Variants in AFG2A observed in about 807,000 individuals in gnomAD.
The protein encoded by AFG2A is ATPase family gene 2 protein homolog A.
the AFG2A span, among the ~76,000 whole-genome samples, chr4:122,948,252 T>C: frequency 6.6e-6 from 1 of 152,028 alleles, no homozygotes; most frequent in Non-Finnish European, 1.5e-5. Context: ...CGGGAGGATG[T>C]GTGTAGTCTA....
chr4:123,018,211 C>CAGCT, the AFG2A span, among the ~76,000 whole-genome samples: 2 of 152,156 alleles, frequency 1.3e-5, no homozygotes, highest in African/African-American at 4.8e-5. Context: ...GCTTGTTTGA[C>CAGCT]AGCTGTTCTT....
chr4:123,157,284 G>A, the AFG2A span, among the ~76,000 whole-genome samples: 16 of 151,766 alleles, frequency 1.1e-4, no homozygotes, highest in African/African-American at 3.1e-4. Flanking sequence ...TTGGCCTCCC[G>A]AAGTGCTGGG....
the AFG2A span, among the ~76,000 whole-genome samples, chr4:123,134,853 C>A: frequency 6.6e-6 from 1 of 152,168 alleles, no homozygotes; most frequent in East Asian, 1.9e-4. Context: ...TAATACTAAT[C>A]CTCCTCAAAC....
chr4:123,231,611 A>C, the AFG2A span, among the ~76,000 whole-genome samples: 1 of 151,964 alleles, frequency 6.6e-6, no homozygotes, highest in Non-Finnish European at 1.5e-5. Context: ...TTTCCTTAGC[A>C]TTCACAATTT....
the AFG2A span, among the ~76,000 whole-genome samples, chr4:123,087,456 T>TA: frequency 6.6e-6 from 1 of 152,108 alleles, no homozygotes; most frequent in Admixed American, 6.5e-5. Context: ...TGGGAAAAAA[T>TA]ATTTTCTCTT....
chr4:123,044,659 A>G, the AFG2A span, among the ~76,000 whole-genome samples: 1 of 152,150 alleles, frequency 6.6e-6, no homozygotes, highest in Non-Finnish European at 1.5e-5. Context: ...ACTGAAATCC[A>G]TGCATAATTT....
chr4:123,032,674 A>C, the AFG2A span, among the ~76,000 whole-genome samples: 1 of 152,214 alleles, frequency 6.6e-6, no homozygotes, highest in East Asian at 1.9e-4. Flanking sequence ...TTGGCCTCCC[A>C]AAGTGCTGGG....
At chr4:123,270,506 C>G in the AFG2A span, among the ~76,000 whole-genome samples, 1 of 152,126 alleles carries the variant, frequency 6.6e-6, no homozygotes, top group African/African-American at 2.4e-5. Context: ...TAGCTATAAA[C>G]CTTGTGTGCT....
At chr4:123,239,822 C>T in the AFG2A span, among the ~76,000 whole-genome samples, 1 of 152,172 alleles carries the variant, frequency 6.6e-6, no homozygotes, top group Non-Finnish European at 1.5e-5. Context: ...TAAATTCACA[C>T]ATAACAATAC....
At chr4:123,290,696 T>C in the AFG2A span, among the ~76,000 whole-genome samples, 1,073 of 152,242 alleles carry the variant, frequency 7.0e-3, 5 homozygotes, top group Middle Eastern at 0.048. Flanking sequence ...GCAGGGAAAC[T>C]CCTGTTTTTA....
chr4:123,220,079 C>T, the AFG2A span, among the ~76,000 whole-genome samples: 3 of 151,902 alleles, frequency 2.0e-5, no homozygotes, highest in Admixed American at 6.6e-5. Flanking sequence ...CCATGTTGGC[C>T]GGGATGGTCT....
At chr4:123,184,367 A>G in the AFG2A span, among the ~76,000 whole-genome samples, 1 of 152,136 alleles carries the variant, frequency 6.6e-6, no homozygotes, top group Non-Finnish European at 1.5e-5. Flanking sequence ...TTTTGAGAAA[A>G]TAAGTCTGAT....
chr4:123,311,503 C>T, the AFG2A span, among the ~76,000 whole-genome samples: 7 of 151,626 alleles, frequency 4.6e-5, no homozygotes, highest in African/African-American at 9.7e-5. Context: ...GGCACGCGCC[C>T]GTAGTCCCAG....
the AFG2A span, among the ~76,000 whole-genome samples, chr4:123,299,117 A>ATGTGTGTGTGTGTGTGTG: frequency 9.0e-3 from 1,327 of 147,176 alleles, 13 homozygotes; most frequent in African/African-American, 0.023. Flanking sequence ...GCATCTGCCA[A>ATGTGTGTGTGTGTGTGTG]TGTGTGTGTG....
At chr4:123,166,376 T>C in the AFG2A span, among the ~76,000 whole-genome samples, 1 of 152,196 alleles carries the variant, frequency 6.6e-6, no homozygotes, top group Non-Finnish European at 1.5e-5. Flanking sequence ...TCCAAGTTCT[T>C]CAGCTTTGGA....
chr4:123,147,483 A>G, the AFG2A span, among the ~76,000 whole-genome samples: 1 of 152,004 alleles, frequency 6.6e-6, no homozygotes, highest in South Asian at 2.1e-4. Flanking sequence ...TTTCATTCTT[A>G]TTTTCTCAGT....
the AFG2A span, among the ~76,000 whole-genome samples, chr4:123,296,873 G>C: frequency 6.6e-6 from 1 of 152,292 alleles, no homozygotes; most frequent in African/African-American, 2.4e-5. Flanking sequence ...TTACAAAGTG[G>C]GGTGGAGCTG....
At chr4:122,994,271 A>G in the AFG2A span, among the ~76,000 whole-genome samples, 45 of 152,278 alleles carry the variant, frequency 3.0e-4, no homozygotes, top group South Asian at 8.3e-3. Context: ...CTCTGGAAAG[A>G]TATAAAGAAG....
the AFG2A span, among the ~76,000 whole-genome samples, chr4:123,031,310 C>G: frequency 6.6e-6 from 1 of 152,188 alleles, no homozygotes; most frequent in South Asian, 2.1e-4. Context: ...CACCCCAACG[C>G]CCAGCTAATT....
Sources: gnomAD v4.1 joint callset for allele counts (sites outside exome capture counted in the v4.1 genomes callset) on GRCh38, gnomAD v4.1.1 for gene constraint, MANE v1.5 for transcripts, NCBI Gene and HGNC (gene_info 2026-07-23, HGNC 2026-07-21) for gene names.